DCC: variants seen among roughly 807,000 people sequenced by gnomAD.
DCC encodes the protein netrin receptor DCC.
In DCC, 58 loss-of-function variants were observed where a neutral mutation model predicts 172.5. The observed-to-expected ratio is 0.34, with a 90% confidence interval of 0.27 to 0.42. The LOEUF (loss-of-function observed/expected upper bound fraction) is 0.42, where lower values mean the gene tolerates loss of function less well. DCC is among the 10% of genes least tolerant of loss of function. The pLI, the probability that DCC is intolerant of heterozygous loss-of-function variation, is 1.00. For missense variants in DCC, 1,740 were observed against 1,791.0 expected, an observed-to-expected ratio of 0.97 and a Z score of 0.51; for synonymous variants, 709 against 644.5, an observed-to-expected ratio of 1.10 and a Z score of -1.52.
intron 26 of DCC, among the ~76,000 whole-genome samples, chr18:53,490,252 TTATGTA>T (rs1174645735): frequency 6.6e-6 from 1 of 152,122 alleles, no homozygotes; most frequent in Non-Finnish European, 1.5e-5. Context: ...GAAACTGGGG[TTATGTA>T]AAAATATTGT....
intron 5 of DCC, among the ~76,000 whole-genome samples, chr18:52,943,830 G>A (rs1180731464): frequency 1.3e-5 from 2 of 152,040 alleles, no homozygotes; most frequent in Admixed American, 1.3e-4. Flanking sequence ...GCTCACTGTA[G>A]CTTCCGCCTC....
At chr18:52,663,141 C>CA (rs1301486582) in intron 1 of DCC, among the ~76,000 whole-genome samples, 3 of 152,144 alleles carry the variant, frequency 2.0e-5, no homozygotes, top group Admixed American at 2.0e-4. Context: ...AAACAATTTT[C>CA]AAAGTTAGAA....
chr18:52,433,913 G>C (rs1197142766), intron 1 of DCC, among the ~76,000 whole-genome samples: 3 of 152,270 alleles, frequency 2.0e-5, no homozygotes, highest in East Asian at 1.9e-4. Flanking sequence ...TAGACCATAA[G>C]AGTTGAACCT....
At chr18:52,700,195 C>CAT (rs1392064375) in intron 1 of DCC, among the ~76,000 whole-genome samples, 1 of 145,894 alleles carries the variant, frequency 6.9e-6, no homozygotes, top group African/African-American at 2.5e-5. Context: ...CGCACACACA[C>CAT]GCACATACAC....
intron 1 of DCC, among the ~76,000 whole-genome samples, chr18:52,413,011 T>C (rs1253943473): frequency 6.6e-6 from 1 of 152,078 alleles, no homozygotes; most frequent in African/African-American, 2.4e-5. Flanking sequence ...TTTGATAAAC[T>C]CTATAGGTTG....
chr18:53,222,383 C>CTTTTTTTTTTTTTTTT (rs67373546), intron 12 of DCC, among the ~76,000 whole-genome samples: 3 of 104,216 alleles, frequency 2.9e-5, no homozygotes, highest in Non-Finnish European at 3.5e-5. Context: ...TTTCTTTTTT[C>CTTTTTTTTTTTTTTTT]TTTTTTTTTT....
chr18:53,237,759 G>A (rs1381951632), intron 12 of DCC, among the ~76,000 whole-genome samples: 2 of 152,046 alleles, frequency 1.3e-5, no homozygotes, highest in South Asian at 2.1e-4. Context: ...AATCATTATT[G>A]AGTATACAAA....
chr18:52,417,834 G>A (rs1987096922), intron 1 of DCC, among the ~76,000 whole-genome samples: 2 of 152,210 alleles, frequency 1.3e-5, no homozygotes, highest in South Asian at 2.1e-4. Flanking sequence ...CCTGTAGCTC[G>A]GAGTAGTTTG....
chr18:52,467,452 G>A (rs1236085943), intron 1 of DCC, among the ~76,000 whole-genome samples: 2 of 152,132 alleles, frequency 1.3e-5, no homozygotes, highest in African/African-American at 2.4e-5. Context: ...TATCATTGAT[G>A]GACATTTGGG....
chr18:53,410,483 C>A lies in DCC; in HGVS notation c.2967C>A (p.Asn989Lys). Residue 989 changes from asparagine to lysine, a missense_variant, in exon 20 of 29, where the codon AAC becomes AAA. This residue lies in a region of DCC where 1,732 missense variants were observed against 1,767.4 expected (regional missense o/e 0.98). Transcript: ENST00000442544. ...AYILFYTLDKNIPIDDWIMET... is the reference protein window; with the variant it reads ...AYILFYTLDKKIPIDDWIMET... ...TCTTATTTTATACCTTGGACAAGAA[C>A]ATCCCAATTGATGACTGGATTATGG... is the stretch of plus-strand genomic sequence containing the variant. 1 of 1,609,874 alleles carries A rather than the reference C, an allele frequency of 6.2e-7. No individual in the cohort carries two copies. Among genetic ancestry groups the A allele is most frequent in the South Asian group, 1.1e-5 (1 of 91,010 alleles).
chr18:52,859,568 C>A (rs1468518603), intron 2 of DCC, among the ~76,000 whole-genome samples: 1 of 152,108 alleles, frequency 6.6e-6, no homozygotes, highest in Non-Finnish European at 1.5e-5. Flanking sequence ...TCTTGTTTTG[C>A]AGATGAGATC....
At chr18:53,493,186 C>A (rs1028728513) in intron 26 of DCC, among the ~76,000 whole-genome samples, 2 of 152,134 alleles carry the variant, frequency 1.3e-5, no homozygotes, top group Admixed American at 1.3e-4. Context: ...TATCCTGAGC[C>A]TTTGCTGAAG....
intron 1 of DCC, among the ~76,000 whole-genome samples, chr18:52,432,792 T>C (rs1048337251): frequency 6.6e-6 from 1 of 152,128 alleles, no homozygotes; most frequent in Admixed American, 6.6e-5. Context: ...TACGAGTGGA[T>C]TTATCTTGAA....
intron 2 of DCC, among the ~76,000 whole-genome samples, chr18:52,785,877 C>G (rs189522739): frequency 6.6e-4 from 100 of 152,016 alleles, no homozygotes; most frequent in African/African-American, 2.2e-3. Flanking sequence ...TCTTTTTAAA[C>G]AACCAACTAT....
intron 24 of DCC, among the ~76,000 whole-genome samples, chr18:53,460,274 GTTTTTTTTTTTTT>G (rs766940670): frequency 1.4e-4 from 11 of 81,092 alleles, no homozygotes; most frequent in South Asian, 1.0e-3. Flanking sequence ...AGGAGCTCCT[GTTTTTTTTTTTTT>G]TTTTTTTTTT....
chr18:52,530,432 G>C (rs1288664078), intron 1 of DCC, among the ~76,000 whole-genome samples: 3 of 152,188 alleles, frequency 2.0e-5, no homozygotes, highest in African/African-American at 7.2e-5. Flanking sequence ...AAGTTGCAAT[G>C]ACTTTGTGAT....
chr18:52,573,289 T>C (rs1018441221), intron 1 of DCC, among the ~76,000 whole-genome samples: 1 of 152,188 alleles, frequency 6.6e-6, no homozygotes, highest in African/African-American at 2.4e-5. Flanking sequence ...TTCTCTATCC[T>C]ATGGATATAA....
chr18:52,393,013 G>A (rs761164578), intron 1 of DCC, among the ~76,000 whole-genome samples: 22 of 152,014 alleles, frequency 1.4e-4, no homozygotes, highest in Admixed American at 1.3e-4. Flanking sequence ...TGAAGCCAGG[G>A]CCAGTACTAG....
intron 5 of DCC, among the ~76,000 whole-genome samples, chr18:53,009,337 G>A (rs1599024179): frequency 6.6e-6 from 1 of 151,814 alleles, no homozygotes; most frequent in African/African-American, 2.4e-5. Context: ...AATGTTCCTC[G>A]AAGTCCAGAA....
Sources: gnomAD v4.1 joint callset for allele counts (sites outside exome capture counted in the v4.1 genomes callset) on GRCh38, gnomAD v4.1.1 for gene constraint, gnomAD v4.1.1 regional missense constraint, MANE v1.5 for transcripts, NCBI Gene and HGNC (gene_info 2026-07-23, HGNC 2026-07-21) for gene names.